Variants in DISP1 observed in about 807,000 individuals in gnomAD.
DISP1 encodes the protein protein dispatched homolog 1.
Under a neutral mutation model 37.3 loss-of-function variants are expected in DISP1, and 30 were observed. The observed-to-expected ratio is 0.80, with a 90% CI of 0.60 to 1.09. DISP1 has a LOEUF of 1.09. DISP1 is among the 50% of genes least tolerant of loss of function. The pLI is 0.00. For missense variants in DISP1, 1,598 were observed against 1,879.5 expected (o/e 0.85, Z 2.77); for synonymous variants, 634 against 690.2 (o/e 0.92, Z 1.28).
chr1:223,004,991 T>C lies in DISP1; in HGVS notation c.3594T>C (p.Ala1198=). The part of the protein sequence containing the change: ...EHEFYELEPL[A]SHSCTAPEKT... ...AGTTTTATGAATTAGAACCTCTGGC[T>C]TCCCACAGCTGCACTGCCCCTGAGA... Residue 1198 remains alanine (A), a synonymous_variant, in exon 9 of 9, where the codon GCT becomes GCC. Transcript: ENST00000675850. The surrounding 1 kb of genome is among the most constrained non-coding windows in gnomAD (Gnocchi z 4.9). 1 of 1,614,134 alleles carries C rather than the reference T, an allele frequency of 6.2e-7. No homozygotes were observed. The highest frequency in any genetic ancestry group is 8.5e-7 in the Non-Finnish European group (1 of 1,180,036).
At chr1:222,980,585 C>T (rs985812881) in intron 3 of DISP1, among the ~76,000 whole-genome samples, 3 of 152,140 alleles carry the variant, frequency 2.0e-5, no homozygotes. Context: ...CCAACACGCA[C>T]TGATCTGACA....
chr1:222,965,265 A>G (rs1676394192), intron 3 of DISP1, among the ~76,000 whole-genome samples: 1 of 152,144 alleles, frequency 6.6e-6, no homozygotes, highest in Admixed American at 6.5e-5. Flanking sequence ...ATCTATGCCT[A>G]CCTTATAGAA....
At position 223,002,762 on chromosome 1, in the gene DISP1, C is replaced by T. The variant is rs2102796548; in HGVS notation, c.1365C>T (p.Phe455=). The change falls in exon 9 of 9, where the codon TTC becomes TTT. Residue 455 remains phenylalanine (F), a synonymous_variant. Coordinates refer to ENST00000675850, the MANE Select transcript of DISP1 (RefSeq NM_001377229.1). ...CAGCTTTAAAATACAGCATGCTCTT[C>T]TCTCCCACAGAGAAAGGGGAGAGCA... is the stretch of plus-strand genomic sequence containing the variant. ...ATPALKYSML[F]SPTEKGESMM... The T allele has an allele frequency of 1.9e-6, 3 of 1,614,176 alleles. No homozygotes were observed. Among genetic ancestry groups the T allele is most frequent in the Non-Finnish European group, 2.5e-6 (3 of 1,180,044 alleles).
intron 7 of DISP1, 103 bp downstream of exon 7, chr1:222,992,213 A>AC: frequency 1.5e-5 from 14 of 948,668 alleles, no homozygotes; most frequent in African/African-American, 3.3e-5. Flanking sequence ...CTAGTCACAC[A>AC]GCTTCACTGT....
intron 3 of DISP1, among the ~76,000 whole-genome samples, chr1:222,946,095 C>T (rs934234599): frequency 5.3e-5 from 8 of 151,522 alleles, no homozygotes; most frequent in African/African-American, 9.7e-5. Flanking sequence ...GAGCCTTGGC[C>T]GGGCGTGGTG....
rs115879080 is a variant in DISP1, at chr1:222,900,383, G to T, written c.-158-28047G>T. Among the ~76,000 whole-genome samples the T allele has an allele frequency of 2.8e-3, 419 of 152,242 alleles. 3 individuals carry two copies. The highest frequency in any genetic ancestry group is 9.7e-3 in the African/African-American group (405 of 41,560). On this transcript the variant is annotated intron_variant, in intron 1 of 8. Coordinates refer to ENST00000675850, the MANE Select transcript of DISP1 (RefSeq NM_001377229.1). ...TTATGTCATACATACCCATTCACAT[G>T]ATACAGTTAATTTGGATTGTCTATG...
intron 1 of DISP1, among the ~76,000 whole-genome samples, chr1:222,900,321 C>T (rs1671509888): frequency 6.6e-6 from 1 of 152,054 alleles, no homozygotes; most frequent in Admixed American, 6.6e-5. Flanking sequence ...GCCTCTTTTG[C>T]TAAGAATGAG....
At chr1:222,843,569 G>C (rs866980516) in intron 1 of DISP1, among the ~76,000 whole-genome samples, 25 of 150,974 alleles carry the variant, frequency 1.7e-4, no homozygotes, top group African/African-American at 5.6e-4. Context: ...AGGATGGGGG[G>C]GGGAAATTTC....
At chr1:222,981,998 C>T (rs772568918) in intron 3 of DISP1, among the ~76,000 whole-genome samples, 3 of 151,932 alleles carry the variant, frequency 2.0e-5, no homozygotes, top group Non-Finnish European at 4.4e-5. Context: ...ATATTGGAAT[C>T]GAAACTGACA....
chr1:222,878,514 G>A lies in DISP1; in HGVS notation c.-158-49916G>A, dbSNP rs115155715. 6.0e-3 allele frequency among the ~76,000 whole-genome samples: 918 copies of A among 152,230 alleles called. 13 individuals carry two copies. The highest frequency in any genetic ancestry group is 0.021 in the African/African-American group (862 of 41,538). ...ACCCCCCAATTGAAGTGCTTAAGATGTTAATGTTTTAAGTGTTTTTGTATA... is the reference window on the plus strand; with the variant it reads ...ACCCCCCAATTGAAGTGCTTAAGATATTAATGTTTTAAGTGTTTTTGTATA... On this transcript the variant is annotated intron_variant, in intron 1 of 8. Coordinates refer to ENST00000675850, the MANE Select transcript of DISP1 (RefSeq NM_001377229.1).
At chr1:222,848,786 T>C (rs1312371292) in intron 1 of DISP1, among the ~76,000 whole-genome samples, 1 of 152,200 alleles carries the variant, frequency 6.6e-6, no homozygotes, top group Non-Finnish European at 1.5e-5. Flanking sequence ...AATATATGTA[T>C]AGCAGTGTAC....
chr1:222,967,866 C>T (rs1676624789), intron 3 of DISP1, among the ~76,000 whole-genome samples: 1 of 152,168 alleles, frequency 6.6e-6, no homozygotes, highest in Non-Finnish European at 1.5e-5. Context: ...TCTAATTTAG[C>T]ATGTGCATAC....
At chr1:222,849,285 A>G (rs1303451283) in intron 1 of DISP1, among the ~76,000 whole-genome samples, 1 of 152,216 alleles carries the variant, frequency 6.6e-6, no homozygotes, top group African/African-American at 2.4e-5. Context: ...AGAGAAACAC[A>G]TCGTCAAGGG....
chr1:222,918,002 C>A (rs1355559720), intron 1 of DISP1, among the ~76,000 whole-genome samples: 3 of 152,154 alleles, frequency 2.0e-5, no homozygotes, highest in Non-Finnish European at 4.4e-5. Flanking sequence ...GTTCCCCTCT[C>A]AACAGAAAAA....
chr1:222,903,214 C>T (rs1194321707), intron 1 of DISP1, among the ~76,000 whole-genome samples: 3 of 147,644 alleles, frequency 2.0e-5, no homozygotes, highest in Non-Finnish European at 4.4e-5. Context: ...AACCAAACAC[C>T]ACATGTTCTC....
chr1:222,892,193 G>A (rs1189113185), intron 1 of DISP1, among the ~76,000 whole-genome samples: 1 of 152,154 alleles, frequency 6.6e-6, no homozygotes, highest in African/African-American at 2.4e-5. Flanking sequence ...AGCAGTCAAG[G>A]CAGAGGTTAC....
intron 1 of DISP1, among the ~76,000 whole-genome samples, chr1:222,858,506 T>C (rs1668681304): frequency 6.6e-6 from 1 of 152,124 alleles, no homozygotes; most frequent in Admixed American, 6.6e-5. Context: ...AAAGAGCTTT[T>C]GCACAGCAAA....
chr1:222,947,229 C>T lies in DISP1; in HGVS notation c.509+3897C>T, dbSNP rs181555577. ...CTTTTTGTCTCCATGAATTTGACTT[C>T]TCTAGATACCTCAAATAAGTTGAAT... On this transcript the variant is annotated intron_variant, in intron 3 of 8. Coordinates refer to ENST00000675850, the MANE Select transcript of DISP1 (RefSeq NM_001377229.1). Among the ~76,000 whole-genome samples, 13 of 152,222 alleles carry T rather than the reference C, an allele frequency of 8.5e-5. No individual in the cohort carries two copies. In the East Asian group the frequency reaches 2.5e-3, roughly 29 times the overall value.
intron 3 of DISP1, among the ~76,000 whole-genome samples, chr1:222,944,152 G>C (rs1674592345): frequency 6.6e-6 from 1 of 152,218 alleles, no homozygotes; most frequent in South Asian, 2.1e-4. Context: ...GAGATCAAAT[G>C]AAAGTAGCAA....
Sources: allele counts gnomAD v4.1 joint callset (sites outside exome capture counted in the v4.1 genomes callset), GRCh38; gene constraint gnomAD v4.1.1; non-coding constraint Gnocchi (gnomAD v3.1); transcripts MANE v1.5; gene names NCBI Gene and HGNC (gene_info 2026-07-23, HGNC 2026-07-21).